INPP4B: variants seen among roughly 807,000 people sequenced by gnomAD.
INPP4B encodes inositol polyphosphate-4-phosphatase type II B, also known as inositol polyphosphate 4-phosphatase type II.
A neutral mutation model predicts 122.5 loss-of-function variants in INPP4B; 55 were observed. That is an observed-to-expected ratio of 0.45 (90% confidence interval 0.36 to 0.56). The LOEUF (loss-of-function observed/expected upper bound fraction) is 0.56, where lower values mean the gene tolerates loss of function less well. Among genes scored for constraint, INPP4B ranks in the 20% least tolerant of loss-of-function variants. The probability of loss-of-function intolerance (pLI) is 0.00; values close to 1 mark genes in which losing one functional copy is unlikely to be tolerated. For synonymous variants in INPP4B, 403 were observed against 388.7 expected, an observed-to-expected ratio of 1.04 and a Z score of -0.43; for missense variants, 1,000 against 1,097.7, an observed-to-expected ratio of 0.91 and a Z score of 1.26.
chr4:142,317,178 C>T (rs1478401903), intron 7 of INPP4B: 2 of 175,366 alleles, frequency 1.1e-5, no homozygotes, highest in Admixed American at 6.0e-5. Flanking sequence ...TAACAAGCAT[C>T]TGTCATAGAG....
intron 2 of INPP4B, among the ~76,000 whole-genome samples, chr4:142,508,527 G>A (rs977294149): frequency 1.3e-5 from 2 of 152,090 alleles, no homozygotes; most frequent in Non-Finnish European, 2.9e-5. Context: ...TGCCCCCTCG[G>A]CCTCCCAAAG....
At chr4:142,164,770 G>A (rs1821878162) in intron 16 of INPP4B, among the ~76,000 whole-genome samples, 1 of 150,422 alleles carries the variant, frequency 6.6e-6, no homozygotes, top group African/African-American at 2.4e-5. Context: ...TATTTTTATT[G>A]TAGAAACAGG....
intron 14 of INPP4B, among the ~76,000 whole-genome samples, chr4:142,203,543 T>C (rs1841542967): frequency 6.6e-6 from 1 of 152,122 alleles, no homozygotes; most frequent in Non-Finnish European, 1.5e-5. Context: ...TTCATTCTTG[T>C]CACTGCTGGC....
chr4:142,571,089 C>CA (rs374253787), intron 2 of INPP4B, among the ~76,000 whole-genome samples: 13,298 of 84,086 alleles, frequency 0.16, 929 homozygotes, highest in African/African-American at 0.23. Context: ...TCATGTTTCT[C>CA]AAAAAAAAAA....
At position 142,522,217 on chromosome 4, in the gene INPP4B, T is replaced by C. The variant is rs1391711970; in HGVS notation, c.-190-59491A>G. On this transcript the variant is annotated intron_variant, in intron 2 of 25. Transcript: ENST00000262992. ...AATTTTTAAAGTTTGTATTTCAGTATCTTATGTTTTCTTCTAAAATTTTCA... is the reference window on the plus strand; with the variant it reads ...AATTTTTAAAGTTTGTATTTCAGTACCTTATGTTTTCTTCTAAAATTTTCA... 2.6e-5 allele frequency among the ~76,000 whole-genome samples: 4 copies of C among 152,156 alleles called. No homozygotes were observed. In the South Asian group the frequency reaches 8.3e-4, roughly 31 times the overall value.
rs113408746 is a variant in INPP4B, at chr4:142,550,589, T to TACACACACAC, written c.-190-87873_-190-87864dup. ...CTTTCATCATTATATATGTAATATA[T>TACACACACAC]ACACACACACACACACATATATATA... On this transcript the variant is annotated intron_variant, in intron 2 of 25. Coordinates refer to ENST00000262992, the MANE Select transcript of INPP4B (RefSeq NM_001101669.3). Among the ~76,000 whole-genome samples, 159 of 140,582 alleles carry TACACACACAC rather than the reference T, an allele frequency of 1.1e-3. 1 individual carries two copies. The highest frequency in any genetic ancestry group is 3.9e-3 in the African/African-American group (150 of 38,542). 92.2% of individuals were successfully genotyped at this position (140,582 alleles called of 152,430 possible).
intron 2 of INPP4B, among the ~76,000 whole-genome samples, chr4:142,545,263 G>A (rs1829411742): frequency 6.6e-6 from 1 of 152,088 alleles, no homozygotes; most frequent in African/African-American, 2.4e-5. Context: ...TTTAACATGT[G>A]CTATGCATTT....
chr4:142,225,690 A>C (rs554179953), intron 12 of INPP4B, among the ~76,000 whole-genome samples: 4 of 152,074 alleles, frequency 2.6e-5, no homozygotes, highest in African/African-American at 9.6e-5. Flanking sequence ...TAATGATGAA[A>C]ATTGTATATA....
intron 2 of INPP4B, among the ~76,000 whole-genome samples, chr4:142,588,682 A>G (rs2150235662): frequency 6.6e-6 from 1 of 151,688 alleles, no homozygotes; most frequent in Non-Finnish European, 1.5e-5. Flanking sequence ...CTGATGAAAT[A>G]AATCCAAGAA....
At chr4:142,360,081 A>T (rs1784901930) in intron 7 of INPP4B, among the ~76,000 whole-genome samples, 1 of 152,012 alleles carries the variant, frequency 6.6e-6, no homozygotes. Flanking sequence ...TATTAAAAGA[A>T]ATAGCATAAT....
intron 23 of INPP4B, among the ~76,000 whole-genome samples, chr4:142,104,706 C>A (rs1255059289): frequency 6.6e-6 from 1 of 152,000 alleles, no homozygotes; most frequent in Non-Finnish European, 1.5e-5. Context: ...GGATCCAAGA[C>A]CCCAGAAGAT....
At chr4:142,366,321 G>A (rs1407170819) in intron 7 of INPP4B, among the ~76,000 whole-genome samples, 2 of 135,276 alleles carry the variant, frequency 1.5e-5, no homozygotes, top group Non-Finnish European at 3.2e-5. Context: ...GAAATAAACA[G>A]CCTTGTTGCT....
At chr4:142,104,422 T>C (rs1785984461) in intron 23 of INPP4B, among the ~76,000 whole-genome samples, 1 of 152,074 alleles carries the variant, frequency 6.6e-6, no homozygotes, top group South Asian at 2.1e-4. Context: ...ACAGGAAGAT[T>C]AGAGTGACAA....
intron 2 of INPP4B, among the ~76,000 whole-genome samples, chr4:142,607,167 G>A (rs1421588994): frequency 6.6e-6 from 1 of 151,796 alleles, no homozygotes; most frequent in Non-Finnish European, 1.5e-5. Context: ...ACAAAAAATA[G>A]AAAGACAAAC....
At chr4:142,301,960 T>C (rs1579662014) in intron 9 of INPP4B, among the ~76,000 whole-genome samples, 1 of 152,172 alleles carries the variant, frequency 6.6e-6, no homozygotes, top group Non-Finnish European at 1.5e-5. Context: ...TTTTATATTA[T>C]TTTATATTTA....
chr4:142,294,828 T>G (rs1377441382), intron 9 of INPP4B, among the ~76,000 whole-genome samples: 6 of 5,670 alleles, frequency 1.1e-3, no homozygotes, highest in African/African-American at 1.8e-3. Context: ...AGACTCCGTC[T>G]CAAAAAAAAA....
chr4:142,148,497 G>A (rs1347731163), intron 17 of INPP4B, among the ~76,000 whole-genome samples: 4 of 152,160 alleles, frequency 2.6e-5, no homozygotes, highest in African/African-American at 7.2e-5. Flanking sequence ...TACAGGTGGG[G>A]AGCCACTGCA....
At chr4:142,551,681 C>G (rs1031275874) in intron 2 of INPP4B, among the ~76,000 whole-genome samples, 2 of 152,126 alleles carry the variant, frequency 1.3e-5, no homozygotes, top group Non-Finnish European at 2.9e-5. Flanking sequence ...CGCAGTAGAA[C>G]TGTAGCAGGA....
intron 9 of INPP4B, among the ~76,000 whole-genome samples, chr4:142,284,226 A>G (rs752722422): frequency 2.6e-5 from 4 of 152,170 alleles, no homozygotes; most frequent in Non-Finnish European, 5.9e-5. Flanking sequence ...GAAATGGGAC[A>G]TAAGTTAGAA....
Sources: gnomAD v4.1 joint callset for allele counts (sites outside exome capture counted in the v4.1 genomes callset) on GRCh38, gnomAD v4.1.1 for gene constraint, MANE v1.5 for transcripts, NCBI Gene and HGNC (gene_info 2026-07-23, HGNC 2026-07-21) for gene names.